The following ONECUT1 variants were observed in gnomAD, a reference collection of about 807,000 sequenced individuals.
ONECUT1 encodes the protein one cut homeobox 1.
Under a neutral mutation model 25.6 loss-of-function variants are expected in ONECUT1, and 12 were observed. The ratio of observed to expected loss-of-function variants is 0.47; its 90% CI spans 0.30 to 0.76. The LOEUF is 0.76. Ranked by LOEUF, ONECUT1 falls within the 30% of genes least tolerant of loss-of-function variation. ONECUT1 has a pLI of 0.07. For missense variants in ONECUT1, 620 were observed against 651.2 expected, an observed-to-expected ratio of 0.95 and a Z score of 0.52; for synonymous variants, 285 against 270.2, an observed-to-expected ratio of 1.05 and a Z score of -0.54.
Position 52,781,907 on chromosome 15 carries a change from T to G in ONECUT1, c.1105+6873A>C, listed in dbSNP as rs183182571. Among the ~76,000 whole-genome samples the G allele has an allele frequency of 1.4e-4, 22 of 152,316 alleles. No homozygotes were observed. The South Asian group carries it at 3.3e-3, about 23-fold the overall frequency. The stretch of plus-strand genomic sequence containing the variant: ...CGATCACAGTACCCAACAAATAGAA[T>G]GTGCACAAAAAACTTAAGCTTCTTC... On this transcript the variant is annotated intron_variant, in intron 1 of 1. Coordinates refer to ENST00000305901, the MANE Select transcript of ONECUT1 (RefSeq NM_004498.4).
chr15:52,784,014 A>C lies in ONECUT1; in HGVS notation c.1105+4766T>G, dbSNP rs568935307. ...AACGACGTTCTAAAAACAAAGGCGCAGCAAGCATCCCTTTCTTCGCTGCCG... is the reference window on the plus strand; with the variant it reads ...AACGACGTTCTAAAAACAAAGGCGCCGCAAGCATCCCTTTCTTCGCTGCCG... On this transcript the variant is annotated intron_variant, in intron 1 of 1. Coordinates refer to ENST00000305901, the MANE Select transcript of ONECUT1 (RefSeq NM_004498.4). This position sits in a 1 kb window ranked among gnomAD's most constrained non-coding sequence, Gnocchi z 5.0. Among the ~76,000 whole-genome samples, 2 of 152,246 alleles carry C rather than the reference A, an allele frequency of 1.3e-5. No homozygotes were observed. Among genetic ancestry groups the C allele is most frequent in the African/African-American group, 4.8e-5 (2 of 41,468 alleles).
chr15:52,771,032 A>G (rs1379905255), intron 1 of ONECUT1, among the ~76,000 whole-genome samples: 1 of 152,232 alleles, frequency 6.6e-6, no homozygotes, highest in Non-Finnish European at 1.5e-5. Flanking sequence ...TATCAATATT[A>G]AAATATATTT....
At chr15:52,764,874 G>T (rs924233340) in intron 1 of ONECUT1, among the ~76,000 whole-genome samples, 1 of 152,210 alleles carries the variant, frequency 6.6e-6, no homozygotes, top group Non-Finnish European at 1.5e-5. Flanking sequence ...CACGCAAGGG[G>T]TGTCTTGCCT....
chr15:52,786,661 C>G (rs1424616630), intron 1 of ONECUT1, among the ~76,000 whole-genome samples: 1 of 152,272 alleles, frequency 6.6e-6, no homozygotes, highest in African/African-American at 2.4e-5. Context: ...ACAGTGCCGT[C>G]CCCTGAGCTC....
intron 1 of ONECUT1, among the ~76,000 whole-genome samples, chr15:52,783,813 C>CT (rs1283701836): frequency 6.6e-6 from 1 of 152,208 alleles, no homozygotes; most frequent in Non-Finnish European, 1.5e-5. Flanking sequence ...AAGTACGCAT[C>CT]TTTTTTGGGG....
At position 52,790,104 on chromosome 15, in the gene ONECUT1, C is replaced by A. The variant is rs2141468880; in HGVS notation, c.-220G>T. 1.8e-6 allele frequency: 1 copy of A among 544,194 alleles called. No homozygotes were observed. Among genetic ancestry groups the A allele is most frequent in the East Asian group, 3.5e-5 (1 of 28,382 alleles). 33.7% of individuals were successfully genotyped at this position (544,194 alleles called of 1,614,324 possible). On this transcript the variant is annotated 5_prime_UTR_variant, in exon 1 of 2. Transcript: ENST00000305901. ...GTGTGTGTCTCGCCTTCCCTCTTACCCCCCACCTTCCCCTCTGCGTCCTCG... is the reference window on the plus strand; with the variant it reads ...GTGTGTGTCTCGCCTTCCCTCTTACACCCCACCTTCCCCTCTGCGTCCTCG...
intron 1 of ONECUT1, among the ~76,000 whole-genome samples, chr15:52,760,641 T>A (rs1281415887): frequency 2.0e-5 from 3 of 151,932 alleles, no homozygotes. Context: ...GGGAGCAGCA[T>A]TGTGAAGGAT....
rs138860821 is a variant in ONECUT1 at position 52,763,989 on chromosome 15, C to T, written c.1106-6142G>A. On this transcript the variant is annotated intron_variant, in intron 1 of 1. Coordinates refer to ENST00000305901, the MANE Select transcript of ONECUT1 (RefSeq NM_004498.4). Reference sequence around the variant, plus strand: ...CCTTCACTACCTAGAGTTTAAGAAGCCCTGTCTTAGAACACACTTTCTAAA... The same window carrying T: ...CCTTCACTACCTAGAGTTTAAGAAGTCCTGTCTTAGAACACACTTTCTAAA... 1.8e-3 allele frequency among the ~76,000 whole-genome samples: 278 copies of T among 152,302 alleles called. 2 individuals carry two copies. Among genetic ancestry groups the T allele is most frequent in the African/African-American group, 6.3e-3 (263 of 41,560 alleles).
Position 52,779,170 on chromosome 15 carries a change from G to C in ONECUT1, c.1105+9610C>G, listed in dbSNP as rs368296833. Among the ~76,000 whole-genome samples, 8 of 152,074 alleles carry C rather than the reference G, an allele frequency of 5.3e-5. No individual in the cohort carries two copies. In the East Asian group the frequency reaches 1.5e-3, roughly 29 times the overall value. On this transcript the variant is annotated intron_variant, in intron 1 of 1. Transcript: ENST00000305901. ...GTGATCTAGGCTCACTGCAACCTCC[G>C]CCTCCCAGGTTCAAGTGATTCCCCT...
intron 1 of ONECUT1, among the ~76,000 whole-genome samples, chr15:52,774,616 A>T (rs185395176): frequency 9.2e-5 from 14 of 152,332 alleles, no homozygotes; most frequent in South Asian, 8.3e-4. Context: ...TACCTTTTAA[A>T]AAAGCATTGA....
At position 52,756,961 on chromosome 15, in the gene ONECUT1, G is replaced by A. The variant is rs2083676506; in HGVS notation, c.*594C>T. 6.6e-6 allele frequency: 1 copy of A among 152,234 alleles called. No homozygotes were observed. The highest frequency in any genetic ancestry group is 2.4e-5 in the African/African-American group (1 of 41,402). 9.4% of individuals were successfully genotyped at this position (152,234 alleles called of 1,614,324 possible). ...AAACAAAGAGAATGCACTGGTTTAG[G>A]TGTCATTCAAATTTTCTTTGCTGGG... On this transcript the variant is annotated 3_prime_UTR_variant, in exon 2 of 2. Coordinates refer to ENST00000305901, the MANE Select transcript of ONECUT1 (RefSeq NM_004498.4).
Position 52,755,287 on chromosome 15 carries a change from T to C in ONECUT1, c.*2268A>G, listed in dbSNP as rs1211731928. ...TCCCTGGAGAGAGAGAAAATGTTAA[T>C]CAGTTTTTTCCTTTTTGTTTATGTC... On this transcript the variant is annotated 3_prime_UTR_variant, in exon 2 of 2. Coordinates refer to ENST00000305901, the MANE Select transcript of ONECUT1 (RefSeq NM_004498.4). Among the ~76,000 whole-genome samples the C allele has an allele frequency of 6.6e-6, 1 of 152,202 alleles. No homozygotes were observed. The highest frequency in any genetic ancestry group is 1.5e-5 in the Non-Finnish European group (1 of 68,028).
At chr15:52,767,490 G>A (rs534618197) in intron 1 of ONECUT1, among the ~76,000 whole-genome samples, 3 of 152,216 alleles carry the variant, frequency 2.0e-5, no homozygotes, top group South Asian at 4.2e-4. Flanking sequence ...TCACGCGCAT[G>A]TGCACACACT....
chr15:52,759,385 A>G lies in ONECUT1; in HGVS notation c.1106-1538T>C, dbSNP rs138936924. ...AAAACTTCAGGTGCCATTGGTACAA[A>G]TTAGCTCAGCAACAGATCAGCTGCA... On this transcript the variant is annotated intron_variant, in intron 1 of 1. Coordinates refer to ENST00000305901, the MANE Select transcript of ONECUT1 (RefSeq NM_004498.4). Among the ~76,000 whole-genome samples the G allele has an allele frequency of 3.2e-3, 489 of 152,324 alleles. 5 individuals carry two copies. Among genetic ancestry groups the G allele is most frequent in the African/African-American group, 0.011 (467 of 41,552 alleles).
In ONECUT1 at chr15:52,788,643, C is replaced by A. The variant is rs1265068333; in HGVS notation, c.1105+137G>T. 1.1e-6 allele frequency: 1 copy of A among 934,360 alleles called. No individual in the cohort carries two copies. The highest frequency in any genetic ancestry group is 1.7e-5 in the African/African-American group (1 of 60,368). 57.9% of individuals were successfully genotyped at this position (934,360 alleles called of 1,614,324 possible). On this transcript the variant is annotated intron_variant, in intron 1 of 1. Transcript: ENST00000305901. The surrounding 1 kb of genome is among the most constrained non-coding windows in gnomAD (Gnocchi z 4.3). Reference sequence around the variant, plus strand: ...ACAGCCCTGTGCTGGCCCTTCCAGGCACAGGGAGTCCCCCTTCTAGGGGTA... The same window carrying A: ...ACAGCCCTGTGCTGGCCCTTCCAGGAACAGGGAGTCCCCCTTCTAGGGGTA...
intron 1 of ONECUT1, among the ~76,000 whole-genome samples, chr15:52,772,419 G>A (rs2083774170): frequency 6.6e-6 from 1 of 151,604 alleles, no homozygotes; most frequent in Admixed American, 6.6e-5. Flanking sequence ...AGCGAGATGT[G>A]TGTGAAGTTT....
At chr15:52,779,847 T>C (rs959891554) in intron 1 of ONECUT1, among the ~76,000 whole-genome samples, 2 of 152,230 alleles carry the variant, frequency 1.3e-5, no homozygotes, top group Non-Finnish European at 2.9e-5. Context: ...GCAGAGGTAC[T>C]TAGCGCTCTC....
chr15:52,764,856 G>A (rs991622343), intron 1 of ONECUT1, among the ~76,000 whole-genome samples: 5 of 152,222 alleles, frequency 3.3e-5, no homozygotes, highest in South Asian at 2.1e-4. Context: ...AGTCTGTGAC[G>A]TCCGAGTCAC....
chr15:52,760,237 T>A (rs561768284), intron 1 of ONECUT1, among the ~76,000 whole-genome samples: 18 of 152,134 alleles, frequency 1.2e-4, no homozygotes, highest in Admixed American at 3.3e-4. Flanking sequence ...GTTATAGACA[T>A]CCTGAGCCAG....
Sources: allele counts gnomAD v4.1 joint callset (sites outside exome capture counted in the v4.1 genomes callset), GRCh38; gene constraint gnomAD v4.1.1; non-coding constraint Gnocchi (gnomAD v3.1); transcripts MANE v1.5; gene names NCBI Gene and HGNC (gene_info 2026-07-23, HGNC 2026-07-21).